Variants in CRKL observed in about 807,000 individuals in gnomAD.
CRKL encodes CRK like proto-oncogene, adaptor protein.
A neutral mutation model predicts 23.0 loss-of-function variants in CRKL; 3 were observed. That is an observed-to-expected ratio of 0.13 (90% CI 0.06 to 0.34). The LOEUF (loss-of-function observed/expected upper bound fraction) is 0.34, where lower values mean the gene tolerates loss of function less well. Among genes scored for constraint, CRKL ranks in the 10% least tolerant of loss-of-function variants. CRKL has a pLI of 1.00. For synonymous variants in CRKL, 188 were observed against 160.7 expected (o/e 1.17, Z -1.28); for missense variants, 256 against 394.5 (o/e 0.65, Z 2.97).
rs2147904585 is a variant in CRKL, at chr22:20,933,824, T to C, written c.357T>C (p.Pro119=). The C allele has an allele frequency of 1.9e-6, 3 of 1,614,180 alleles. No homozygotes were observed. Among genetic ancestry groups the C allele is most frequent in the Non-Finnish European group, 1.7e-6 (2 of 1,180,048 alleles). Residue 119 remains proline (P), a synonymous_variant, in exon 2 of 3, where the codon CCT becomes CCC. Transcript: ENST00000354336. ...GATCTGTCTCAGCACCCAACCTGCC[T>C]ACAGCAGAAGATAACCTGGAATATG... ...PMGSVSAPNL[P]TAEDNLEYVR...
At chr22:20,938,852 G>A (rs1007249139) in intron 2 of CRKL, among the ~76,000 whole-genome samples, 3 of 152,090 alleles carry the variant, frequency 2.0e-5, no homozygotes, top group African/African-American at 7.2e-5. Context: ...TTCCCCCATG[G>A]TGTGGCATAA....
intron 1 of CRKL, among the ~76,000 whole-genome samples, chr22:20,922,442 AGAG>A (rs2147895410): frequency 6.6e-6 from 1 of 152,310 alleles, no homozygotes; most frequent in South Asian, 2.1e-4. Flanking sequence ...AATTTGAGGC[AGAG>A]GAGTGACCTG....
chr22:20,948,561 T>C (rs1922153953), intron 2 of CRKL, among the ~76,000 whole-genome samples: 1 of 152,238 alleles, frequency 6.6e-6, no homozygotes, highest in East Asian at 1.9e-4. Context: ...AGCAGTTTGC[T>C]ACAGTCATGT....
At chr22:20,929,233 C>T (rs971419861) in intron 1 of CRKL, among the ~76,000 whole-genome samples, 5 of 152,010 alleles carry the variant, frequency 3.3e-5, no homozygotes, top group African/African-American at 4.8e-5. Context: ...GGCGCGATCT[C>T]GGCTCACTGC....
intron 2 of CRKL, among the ~76,000 whole-genome samples, chr22:20,949,182 G>A (rs995359012): frequency 6.6e-6 from 1 of 152,150 alleles, no homozygotes; most frequent in Non-Finnish European, 1.5e-5. Context: ...CTGGGGTGCC[G>A]TGGCACTATC....
intron 1 of CRKL, among the ~76,000 whole-genome samples, chr22:20,923,387 CT>C (rs1921062465): frequency 6.6e-6 from 1 of 151,808 alleles, no homozygotes; most frequent in Admixed American, 6.6e-5. Context: ...CGCCATTCTC[CT>C]GCCTCAGCCT....
chr22:20,953,358 A>AGGAT lies in CRKL; in HGVS notation c.*3514_*3517dup. On this transcript the variant is annotated 3_prime_UTR_variant, in exon 3 of 3. Coordinates refer to ENST00000354336, the MANE Select transcript of CRKL (RefSeq NM_005207.4). ...GAGCAGAAGGACAGGTCTCTGAGACAGGATCGTTGTCCCTACAGGAGGAAC... is the reference window on the plus strand; with the variant it reads ...GAGCAGAAGGACAGGTCTCTGAGACAGGATGGATCGTTGTCCCTACAGGAGGAAC... The AGGAT allele has an allele frequency of 4.3e-6, 1 of 231,200 alleles. No homozygotes were observed. The highest frequency in any genetic ancestry group is 6.2e-5 in the East Asian group (1 of 16,196). 14.3% of individuals were successfully genotyped at this position (231,200 alleles called of 1,614,324 possible). A position where few individuals can be genotyped will look rare whatever the true frequency, so the allele number is the denominator to read the frequency against.
chr22:20,945,876 A>G (rs1187997607), intron 2 of CRKL, among the ~76,000 whole-genome samples: 4 of 152,222 alleles, frequency 2.6e-5, no homozygotes, highest in African/African-American at 7.2e-5. Context: ...CTAGAGGAAT[A>G]AAAGCCACAG....
Position 20,932,658 on chromosome 22 carries a change from A to C in CRKL, c.312-1121A>C, listed in dbSNP as rs559697905. Among the ~76,000 whole-genome samples, 11 of 136,274 alleles carry C rather than the reference A, an allele frequency of 8.1e-5. No individual in the cohort carries two copies. In the South Asian group the frequency reaches 2.6e-3, roughly 32 times the overall value. 89.4% of individuals were successfully genotyped at this position (136,274 alleles called of 152,430 possible). A position where few individuals can be genotyped will look rare whatever the true frequency, so the allele number is the denominator to read the frequency against. ...TAATCAAAAGGTTTCTGTAAAACAG[A>C]GATGGAGTGTATGTGTGTGTGTATA... On this transcript the variant is annotated intron_variant, in intron 1 of 2. Coordinates refer to ENST00000354336, the MANE Select transcript of CRKL (RefSeq NM_005207.4).
chr22:20,924,143 A>G (rs927137796), intron 1 of CRKL, among the ~76,000 whole-genome samples: 2 of 152,206 alleles, frequency 1.3e-5, no homozygotes, highest in African/African-American at 4.8e-5. Context: ...AGCTATGATC[A>G]TGCCACTGCA....
At chr22:20,921,430 GA>G (rs1423384871) in intron 1 of CRKL, among the ~76,000 whole-genome samples, 10 of 152,194 alleles carry the variant, frequency 6.6e-5, no homozygotes, top group Non-Finnish European at 1.3e-4. Flanking sequence ...ATGTGTGACA[GA>G]CATACTTTCT....
chr22:20,929,475 AT>A (rs1921358817), intron 1 of CRKL, among the ~76,000 whole-genome samples: 1 of 141,206 alleles, frequency 7.1e-6, no homozygotes, highest in Admixed American at 7.1e-5. Context: ...TATCTATTTA[AT>A]TTTTTGAGAC....
chr22:20,943,154 G>T (rs1456098445), intron 2 of CRKL, among the ~76,000 whole-genome samples: 2 of 152,102 alleles, frequency 1.3e-5, no homozygotes, highest in South Asian at 4.1e-4. Context: ...TTTCATATTG[G>T]CTTTTGGCAA....
intron 2 of CRKL, among the ~76,000 whole-genome samples, chr22:20,941,043 C>A (rs1387919635): frequency 1.3e-5 from 2 of 151,972 alleles, no homozygotes; most frequent in Non-Finnish European, 2.9e-5. Context: ...CTGCAGTGCT[C>A]TTGGGGCTGT....
At position 20,950,170 on chromosome 22, in the gene CRKL, T is replaced by G; in HGVS notation, c.*325T>G. ...CTGCCCGTTTGTACATGGGACTGAT[T>G]CTGTTGTGTTCACCAGAGAAAGCTT... On this transcript the variant is annotated 3_prime_UTR_variant, in exon 3 of 3. Coordinates refer to ENST00000354336, the MANE Select transcript of CRKL (RefSeq NM_005207.4). The G allele has an allele frequency of 3.1e-6, 1 of 321,086 alleles. No individual in the cohort carries two copies. The highest frequency in any genetic ancestry group is 5.7e-6 in the Non-Finnish European group (1 of 176,490). The allele number at this position is 321,086 out of a possible 1,614,324, so 19.9% of individuals were successfully genotyped here. A position where few individuals can be genotyped will look rare whatever the true frequency, so the allele number is the denominator to read the frequency against.
intron 1 of CRKL, among the ~76,000 whole-genome samples, chr22:20,924,861 CTG>C (rs1921138001): frequency 6.6e-6 from 1 of 151,392 alleles, no homozygotes; most frequent in South Asian, 2.1e-4. Context: ...AACAAGAACA[CTG>C]TCATGCTGAG....
intron 2 of CRKL, among the ~76,000 whole-genome samples, chr22:20,936,889 C>G (rs530412987): frequency 1.3e-5 from 2 of 149,366 alleles, no homozygotes; most frequent in Admixed American, 1.3e-4. Flanking sequence ...GAGATGGAGT[C>G]TCATTTGTTG....
At chr22:20,928,054 G>A (rs1344063121) in intron 1 of CRKL, among the ~76,000 whole-genome samples, 1 of 152,020 alleles carries the variant, frequency 6.6e-6, no homozygotes, top group Non-Finnish European at 1.5e-5. Context: ...CTACTGGGGA[G>A]GCTTAGGCAC....
At chr22:20,933,722 C>G (rs2147904328) in intron 1 of CRKL, 57 bp from the exon 2 acceptor site, 1 of 1,387,752 alleles carries the variant, frequency 7.2e-7, no homozygotes, top group Middle Eastern at 2.4e-4. Context: ...AGAAGTTTGA[C>G]AGGCACTGGC....
Sources: allele counts gnomAD v4.1 joint callset (sites outside exome capture counted in the v4.1 genomes callset), GRCh38; gene constraint gnomAD v4.1.1; transcripts MANE v1.5; gene names NCBI Gene and HGNC (gene_info 2026-07-23, HGNC 2026-07-21).